CPEB3: variants seen among roughly 807,000 people sequenced by gnomAD.
CPEB3 encodes the protein cytoplasmic polyadenylation element binding protein 3.
A neutral mutation model predicts 67.2 loss-of-function variants in CPEB3; 20 were observed. The ratio of observed to expected loss-of-function variants is 0.30; its 90% CI spans 0.21 to 0.43. The LOEUF (loss-of-function observed/expected upper bound fraction) is 0.43. CPEB3 is among the 20% of genes least tolerant of loss of function. The pLI is 1.00. For missense variants in CPEB3, 746 were observed against 968.6 expected (o/e 0.77, Z 3.05); for synonymous variants, 376 against 393.1 (o/e 0.96, Z 0.51).
chr10:92,261,840 C>T (rs1185332271), intron 1 of CPEB3, among the ~76,000 whole-genome samples: 1 of 152,162 alleles, frequency 6.6e-6, no homozygotes, highest in Non-Finnish European at 1.5e-5. Context: ...ATGTGAAAAT[C>T]CAGGCTCAGA....
Position 92,172,704 on chromosome 10 carries a change from AC to A in CPEB3, c.1222+8258del, listed in dbSNP as rs367784043. ...CCTAAAAGTTGAAAGGGGGAAAAAA[AC>A]TGCATTTCAGTTTCACACACTACTC... On this transcript the variant is annotated intron_variant, in intron 4 of 9. Coordinates refer to ENST00000265997, the MANE Select transcript of CPEB3 (RefSeq NM_014912.5). Among the ~76,000 whole-genome samples the A allele has an allele frequency of 6.0e-4, 92 of 152,308 alleles. No individual in the cohort carries two copies. In the East Asian group the frequency reaches 0.015, roughly 25 times the overall value.
intron 6 of CPEB3, among the ~76,000 whole-genome samples, chr10:92,112,015 T>C (rs545078403): frequency 3.3e-5 from 5 of 152,096 alleles, no homozygotes; most frequent in South Asian, 2.1e-4. Context: ...AGGATTTCCA[T>C]AGACACAGCC....
intron 7 of CPEB3, among the ~76,000 whole-genome samples, chr10:92,098,456 T>A (rs1288121900): frequency 6.6e-6 from 1 of 151,764 alleles, no homozygotes; most frequent in Non-Finnish European, 1.5e-5. Flanking sequence ...TTACAAGGCA[T>A]GCACCACCAC....
At chr10:92,233,254 T>C (rs1012189076) in intron 2 of CPEB3, among the ~76,000 whole-genome samples, 1 of 152,004 alleles carries the variant, frequency 6.6e-6, no homozygotes, top group Non-Finnish European at 1.5e-5. Context: ...GGGGGCCAGA[T>C]GCGGTGGCTC....
Position 92,052,127 on chromosome 10 carries a change from A to C in CPEB3, c.*85T>G, listed in dbSNP as rs1841915773. 3 of 821,936 alleles carry C rather than the reference A, an allele frequency of 3.6e-6. No individual in the cohort carries two copies. The highest frequency in any genetic ancestry group is 5.9e-6 in the Non-Finnish European group (3 of 505,542). 50.9% of individuals were successfully genotyped at this position (821,936 alleles called of 1,614,324 possible). On this transcript the variant is annotated 3_prime_UTR_variant, in exon 10 of 10. Coordinates refer to ENST00000265997, the MANE Select transcript of CPEB3 (RefSeq NM_014912.5). ...ATCGAGAACGAATGCACAGATTTCC[A>C]GAACACTGTAAGCCCTGAGGCAGTG...
intron 4 of CPEB3, among the ~76,000 whole-genome samples, chr10:92,179,991 G>T (rs1050824067): frequency 1.2e-4 from 19 of 152,126 alleles, no homozygotes; most frequent in African/African-American, 4.6e-4. Flanking sequence ...GATGAGAGGG[G>T]ACAATCTGAT....
chr10:92,220,579 T>TA (rs540480746), intron 2 of CPEB3, among the ~76,000 whole-genome samples: 19,977 of 134,208 alleles, frequency 0.15, 1,439 homozygotes, highest in Middle Eastern at 0.21. Flanking sequence ...ACTGCCATGT[T>TA]AAAAAAAAAA....
intron 2 of CPEB3, among the ~76,000 whole-genome samples, chr10:92,208,141 T>C (rs1005372041): frequency 6.6e-6 from 1 of 152,190 alleles, no homozygotes; most frequent in African/African-American, 2.4e-5. Context: ...TATAAATAAA[T>C]GGTAATAGGA....
At chr10:92,075,899 A>G (rs6583801) in intron 9 of CPEB3, among the ~76,000 whole-genome samples, 41,944 of 152,150 alleles carry the variant, frequency 0.28, 5,886 homozygotes, top group Middle Eastern at 0.33. Context: ...TATAAAAGAG[A>G]TAAAGGAGAT....
intron 4 of CPEB3, among the ~76,000 whole-genome samples, chr10:92,154,761 T>G (rs1018900175): frequency 6.6e-6 from 1 of 152,248 alleles, no homozygotes; most frequent in Non-Finnish European, 1.5e-5. Flanking sequence ...TTGCTTCCCA[T>G]TCCTATTCCA....
chr10:92,131,685 T>C (rs768221626), intron 6 of CPEB3, among the ~76,000 whole-genome samples: 1 of 152,142 alleles, frequency 6.6e-6, no homozygotes. Flanking sequence ...GCTACAAATA[T>C]AAAGACTTCT....
chr10:92,195,899 T>C (rs1849218601), intron 2 of CPEB3, among the ~76,000 whole-genome samples: 1 of 152,206 alleles, frequency 6.6e-6, no homozygotes, highest in South Asian at 2.1e-4. Flanking sequence ...GTTACTTCTA[T>C]AGAAAAACAG....
intron 1 of CPEB3, among the ~76,000 whole-genome samples, chr10:92,241,885 G>T (rs1382509238): frequency 6.6e-6 from 1 of 152,128 alleles, no homozygotes; most frequent in African/African-American, 2.4e-5. Flanking sequence ...TTGCAACAAA[G>T]TTATTAATAA....
At chr10:92,277,990 C>A (rs1394385985) in intron 1 of CPEB3, among the ~76,000 whole-genome samples, 2 of 151,410 alleles carry the variant, frequency 1.3e-5, no homozygotes, top group Non-Finnish European at 2.9e-5. Context: ...CAAGACCAGC[C>A]TGGCCAAGAT....
intron 9 of CPEB3, among the ~76,000 whole-genome samples, chr10:92,063,763 C>CA (rs75346884): frequency 0.3 from 40,348 of 134,806 alleles, 5,523 homozygotes; most frequent in Middle Eastern, 0.35. Context: ...ACTCAGTATC[C>CA]AAAAAAAAAA....
At chr10:92,221,421 AG>A (rs1850693241) in intron 2 of CPEB3, among the ~76,000 whole-genome samples, 2 of 152,206 alleles carry the variant, frequency 1.3e-5, no homozygotes, top group South Asian at 4.1e-4. Flanking sequence ...TGAGCCCGAG[AG>A]GCAAAGCCTG....
At chr10:92,151,317 CTT>C (rs1350641903) in intron 4 of CPEB3, among the ~76,000 whole-genome samples, 1 of 152,160 alleles carries the variant, frequency 6.6e-6, no homozygotes, top group Non-Finnish European at 1.5e-5. Context: ...AAGCCTGACT[CTT>C]TTCATTTTAG....
At chr10:92,097,295 C>G (rs1028602440) in intron 7 of CPEB3, among the ~76,000 whole-genome samples, 2 of 152,176 alleles carry the variant, frequency 1.3e-5, no homozygotes, top group Non-Finnish European at 2.9e-5. Context: ...AAATTATCTG[C>G]GGACCAGATC....
chr10:92,258,625 A>AATAT (rs56316802), intron 1 of CPEB3, among the ~76,000 whole-genome samples: 59 of 32,734 alleles, frequency 1.8e-3, no homozygotes, highest in South Asian at 3.6e-3. Context: ...ATATTTTTTG[A>AATAT]ATATATATAT....
Sources: gnomAD v4.1 joint callset for allele counts (sites outside exome capture counted in the v4.1 genomes callset) on GRCh38, gnomAD v4.1.1 for gene constraint, MANE v1.5 for transcripts, NCBI Gene and HGNC (gene_info 2026-07-23, HGNC 2026-07-21) for gene names.